Variants in ADAMTSL3 observed in about 807,000 individuals in gnomAD.
ADAMTSL3 encodes the protein ADAMTS-like protein 3.
Under a neutral mutation model 201.7 loss-of-function variants are expected in ADAMTSL3, and 128 were observed. That is an observed-to-expected ratio of 0.63 (90% confidence interval 0.55 to 0.73). The LOEUF is 0.73. ADAMTSL3 is among the 30% of genes least tolerant of loss of function. The pLI, the probability that ADAMTSL3 is intolerant of heterozygous loss-of-function variation, is 0.00. For missense variants in ADAMTSL3, 1,990 were observed against 2,119.6 expected (o/e 0.94, Z 1.20); for synonymous variants, 738 against 748.4 (o/e 0.99, Z 0.23).
chr15:84,007,752 TTTAGAAGAA>T (rs1263864219), intron 23 of ADAMTSL3, among the ~76,000 whole-genome samples: 2 of 152,150 alleles, frequency 1.3e-5, no homozygotes, highest in Non-Finnish European at 2.9e-5. Flanking sequence ...TGAGCTACCT[TTTAGAAGAA>T]ATACTATGGC....
At chr15:83,708,350 G>A (rs917514238) in intron 3 of ADAMTSL3, among the ~76,000 whole-genome samples, 1 of 152,180 alleles carries the variant, frequency 6.6e-6, no homozygotes, top group African/African-American at 2.4e-5. Context: ...TATCCTGGGC[G>A]CATTTCATGA....
intron 4 of ADAMTSL3, 44 bp downstream of exon 4, chr15:83,773,694 T>G (rs2063025094): frequency 1.3e-6 from 2 of 1,583,630 alleles, no homozygotes; most frequent in South Asian, 2.3e-5. Flanking sequence ...AATGTGCCAG[T>G]GCCTCTGGAT....
chr15:83,858,127 A>G (rs1007230211), intron 7 of ADAMTSL3, among the ~76,000 whole-genome samples: 2 of 152,230 alleles, frequency 1.3e-5, no homozygotes, highest in Non-Finnish European at 2.9e-5. Context: ...CTTCATTACT[A>G]CAACTCAATT....
intron 6 of ADAMTSL3, among the ~76,000 whole-genome samples, chr15:83,837,727 A>G (rs947484458): frequency 5.3e-5 from 8 of 151,470 alleles, no homozygotes; most frequent in Non-Finnish European, 7.4e-5. Context: ...ACTTGAGCCC[A>G]GGAGGTTGAG....
At chr15:83,904,739 G>A (rs899926) in intron 15 of ADAMTSL3, among the ~76,000 whole-genome samples, 95,303 of 152,070 alleles carry the variant, frequency 0.63, 30,962 homozygotes, top group African/African-American at 0.79. Flanking sequence ...GTTTGTTTCT[G>A]TGGGATTCTT....
At chr15:83,790,657 G>C in intron 4 of ADAMTSL3, among the ~76,000 whole-genome samples, 1 of 152,028 alleles carries the variant, frequency 6.6e-6, no homozygotes, top group Admixed American at 6.5e-5. Flanking sequence ...CTAAGGTATA[G>C]AATAAGGTAG....
At chr15:83,926,505 G>A (rs2066247245) in intron 17 of ADAMTSL3, among the ~76,000 whole-genome samples, 1 of 152,078 alleles carries the variant, frequency 6.6e-6, no homozygotes, top group African/African-American at 2.4e-5. Flanking sequence ...TAAAACTAGG[G>A]ATCCAGCCCA....
At chr15:83,766,487 A>T (rs578159745) in intron 3 of ADAMTSL3, among the ~76,000 whole-genome samples, 1 of 152,234 alleles carries the variant, frequency 6.6e-6, no homozygotes, top group Non-Finnish European at 1.5e-5. Flanking sequence ...GGGGGAAAAA[A>T]GTAAAAGACT....
At chr15:83,842,848 C>T (rs142598804) in intron 7 of ADAMTSL3, among the ~76,000 whole-genome samples, 6 of 152,198 alleles carry the variant, frequency 3.9e-5, no homozygotes, top group East Asian at 1.9e-4. Context: ...AATGGAAGTA[C>T]GTAGAGTTAG....
intron 10 of ADAMTSL3, 28 bp from the exon 11 acceptor site, chr15:83,890,081 T>G (rs1314902162): frequency 6.3e-7 from 1 of 1,594,920 alleles, no homozygotes; most frequent in African/African-American, 1.3e-5. Context: ...GGATGCAATA[T>G]TCAGACTTGC....
chr15:83,857,451 G>C (rs971558893), intron 7 of ADAMTSL3, among the ~76,000 whole-genome samples: 2 of 152,072 alleles, frequency 1.3e-5, no homozygotes, highest in African/African-American at 4.8e-5. Flanking sequence ...TTCCACGTTA[G>C]GTCATATAGC....
chr15:83,946,737 A>G (rs1448307184), intron 19 of ADAMTSL3, among the ~76,000 whole-genome samples: 1 of 152,224 alleles, frequency 6.6e-6, no homozygotes, highest in Non-Finnish European at 1.5e-5. Context: ...GACAAAGAAG[A>G]AAAGGAAACT....
intron 4 of ADAMTSL3, among the ~76,000 whole-genome samples, chr15:83,780,421 A>C (rs531537343): frequency 4.2e-4 from 63 of 150,980 alleles, no homozygotes; most frequent in Admixed American, 1.1e-3. Flanking sequence ...AAAAAAAAAA[A>C]AACAAACTTC....
At chr15:83,988,487 T>C (rs2067522592) in intron 21 of ADAMTSL3, among the ~76,000 whole-genome samples, 1 of 152,198 alleles carries the variant, frequency 6.6e-6, no homozygotes, top group South Asian at 2.1e-4. Context: ...AACGTTGCTG[T>C]TAACCTATAG....
intron 5 of ADAMTSL3, among the ~76,000 whole-genome samples, chr15:83,816,860 G>C (rs1424436831): frequency 6.6e-6 from 1 of 152,198 alleles, no homozygotes; most frequent in Non-Finnish European, 1.5e-5. Context: ...GCTGGATGTA[G>C]TGGCTCGTGC....
intron 3 of ADAMTSL3, among the ~76,000 whole-genome samples, chr15:83,719,452 C>T (rs2062066847): frequency 6.6e-6 from 1 of 152,158 alleles, no homozygotes; most frequent in Non-Finnish European, 1.5e-5. Flanking sequence ...CCTACGACAA[C>T]ACTCTTTATG....
intron 20 of ADAMTSL3, among the ~76,000 whole-genome samples, chr15:83,977,290 T>G (rs550911628): frequency 1.6e-4 from 25 of 152,030 alleles, no homozygotes; most frequent in Non-Finnish European, 2.9e-4. Context: ...AAAAACTGTT[T>G]TCTATGAAAC....
rs943980900 is a variant in ADAMTSL3, at chr15:83,738,975, G to T, written c.189+34467G>T. 4.1e-5 allele frequency among the ~76,000 whole-genome samples: 5 copies of T among 120,848 alleles called. No individual in the cohort carries two copies. In the East Asian group the frequency reaches 7.9e-4, roughly 19 times the overall value. The allele number at this position is 120,848 out of a possible 152,430, so 79.3% of individuals were successfully genotyped here. On this transcript the variant is annotated intron_variant, in intron 3 of 29. Transcript: ENST00000286744. ...AAAAAATAAAATAAAATAAAATAAAGAAAATATGATCATTTCAACAAAATG... is the reference window on the plus strand; with the variant it reads ...AAAAAATAAAATAAAATAAAATAAATAAAATATGATCATTTCAACAAAATG...
At chr15:83,686,275 C>G (rs1260370506) in intron 2 of ADAMTSL3, among the ~76,000 whole-genome samples, 2 of 152,156 alleles carry the variant, frequency 1.3e-5, no homozygotes, top group Non-Finnish European at 2.9e-5. Flanking sequence ...TCATATCGGT[C>G]AGTGTTTTAC....
Sources: allele counts gnomAD v4.1 joint callset (sites outside exome capture counted in the v4.1 genomes callset), GRCh38; gene constraint gnomAD v4.1.1; transcripts MANE v1.5; gene names NCBI Gene and HGNC (gene_info 2026-07-23, HGNC 2026-07-21).